Variants in MGRN1 observed in about 807,000 individuals in gnomAD.
MGRN1 encodes mahogunin ring finger 1, also known as E3 ubiquitin-protein ligase MGRN1.
MGRN1 carries 29 observed loss-of-function variants against 69.2 expected under a neutral mutation model. The ratio of observed to expected loss-of-function variants is 0.42; its 90% CI spans 0.31 to 0.57. The LOEUF (loss-of-function observed/expected upper bound fraction) is 0.57, where lower values mean the gene tolerates loss of function less well. Among genes scored for constraint, MGRN1 ranks in the 20% least tolerant of loss-of-function variants. The probability of loss-of-function intolerance (pLI) is 0.15; values close to 1 mark genes in which losing one functional copy is unlikely to be tolerated. For missense variants in MGRN1, 998 were observed against 796.2 expected (o/e 1.25, Z -3.05); for synonymous variants, 470 against 344.2 (o/e 1.37, Z -4.04).
intron 11 of MGRN1, among the ~76,000 whole-genome samples, chr16:4,678,660 C>T (rs1303105309): frequency 6.6e-6 from 1 of 152,182 alleles, no homozygotes; most frequent in Non-Finnish European, 1.5e-5. Context: ...TGGACAGTGA[C>T]TGGTTGGGCC....
chr16:4,627,912 C>G (rs1307052713), intron 1 of MGRN1, among the ~76,000 whole-genome samples: 4 of 150,388 alleles, frequency 2.7e-5, no homozygotes, highest in South Asian at 2.1e-4. Context: ...AACCCCATCT[C>G]TACCAAAAAT....
At chr16:4,687,221 C>T (rs147585784) in intron 16 of MGRN1, 74,216 of 985,114 alleles carry the variant, frequency 0.075, 3,081 homozygotes, top group Non-Finnish European at 0.083. Context: ...CCCCAAGAGG[C>T]GCCCTCTACC....
In MGRN1 at chr16:4,689,663, C is replaced by T. The variant is rs1018593363; in HGVS notation, c.*755C>T. ...CTGGCTTTGGTGACATCACAAGGCC[C>T]CTCCAGGTGCAGGGGCTTCTGTTTG... On this transcript the variant is annotated 3_prime_UTR_variant, in exon 17 of 17. Transcript: ENST00000262370. 2.0e-5 allele frequency: 3 copies of T among 152,272 alleles called. No homozygotes were observed. The highest frequency in any genetic ancestry group is 7.2e-5 in the African/African-American group (3 of 41,462). 9.4% of individuals were successfully genotyped at this position (152,272 alleles called of 1,614,324 possible). A position where few individuals can be genotyped will look rare whatever the true frequency, so the allele number is the denominator to read the frequency against.
chr16:4,644,643 C>A (rs965950972), intron 1 of MGRN1, among the ~76,000 whole-genome samples: 19 of 152,274 alleles, frequency 1.2e-4, no homozygotes, highest in African/African-American at 4.6e-4. Context: ...TTGATAACAT[C>A]AATTAGATAG....
At chr16:4,646,056 A>G (rs2078267371) in intron 1 of MGRN1, among the ~76,000 whole-genome samples, 1 of 152,134 alleles carries the variant, frequency 6.6e-6, no homozygotes, top group Admixed American at 6.5e-5. Context: ...GGCTTAGCAC[A>G]GTGAGCACTT....
rs892663330 is a variant in MGRN1, at chr16:4,656,242, C to T, written c.444-1004C>T. 3.9e-5 allele frequency among the ~76,000 whole-genome samples: 6 copies of T among 152,326 alleles called. No individual in the cohort carries two copies. In the South Asian group the frequency reaches 6.2e-4, roughly 16 times the overall value. On this transcript the variant is annotated intron_variant, in intron 4 of 16. Transcript: ENST00000262370. ...CCTGTGGCTAAGACATGCAGAAGGG[C>T]GGTCCTTGAAGCAGTGTTGGGAAAA... is the stretch of plus-strand genomic sequence containing the variant.
At chr16:4,649,021 C>G (rs1301262582) in intron 1 of MGRN1, 1 of 154,298 alleles carries the variant, frequency 6.5e-6, no homozygotes, top group Admixed American at 6.5e-5. Flanking sequence ...GCCATGCTCT[C>G]AGTGTTCCTT....
In MGRN1 at chr16:4,652,824, T is replaced by C. The variant is rs1466759648; in HGVS notation, c.443T>C (p.Val148Ala). Reference protein sequence around the residue: ...ASEEFLNGRAVYSPKSPSLQS... With the variant: ...ASEEFLNGRAAYSPKSPSLQS... ...GAGGAGTTCCTGAACGGCAGGGCAG[T>C]GTGAGTCCCGCGGGCGGCTGGCACC... The change falls in exon 4 of 17, where the codon GTA (valine) becomes GCA (alanine). Residue 148 changes from valine to alanine, a missense_variant and splice_region_variant. Coordinates refer to ENST00000262370, the MANE Select transcript of MGRN1 (RefSeq NM_015246.4). The C allele has an allele frequency of 6.3e-7, 1 of 1,599,532 alleles. No individual in the cohort carries two copies. Among genetic ancestry groups the C allele is most frequent in the Non-Finnish European group, 8.5e-7 (1 of 1,171,568 alleles).
intron 8 of MGRN1, chr16:4,669,046 A>G (rs2078880094): frequency 6.6e-6 from 1 of 152,302 alleles, no homozygotes; most frequent in Non-Finnish European, 1.5e-5. Context: ...ACACACATAT[A>G]CTCACACACA....
rs200737185 is a variant in MGRN1 at position 4,683,216 on chromosome 16, T to C, written c.1483-8T>C. On this transcript the variant is annotated splice_polypyrimidine_tract_variant and splice_region_variant and intron_variant, in intron 14 of 16. Coordinates refer to ENST00000262370, the MANE Select transcript of MGRN1 (RefSeq NM_015246.4). The stretch of plus-strand genomic sequence containing the variant: ...GAGCTCTAGGCTACTTTCCCCTTTG[T>C]TTCCTAGAGTTTCATAACAGAAGAG... The C allele has an allele frequency of 3.0e-4, 477 of 1,613,612 alleles. 5 individuals carry two copies. In the African/African-American group the frequency reaches 5.4e-3, roughly 18 times the overall value.
At chr16:4,646,170 C>G (rs2078270833) in intron 1 of MGRN1, among the ~76,000 whole-genome samples, 1 of 152,106 alleles carries the variant, frequency 6.6e-6, no homozygotes. Flanking sequence ...GTGGCTCACG[C>G]CTGTAATCCC....
Position 4,627,653 on chromosome 16 carries a change from A to G in MGRN1, c.88+2605A>G, listed in dbSNP as rs145500498. 1.5e-3 allele frequency among the ~76,000 whole-genome samples: 231 copies of G among 151,000 alleles called. 4 individuals carry two copies. Among genetic ancestry groups the G allele is most frequent in the African/African-American group, 5.2e-3 (211 of 40,870 alleles). On this transcript the variant is annotated intron_variant, in intron 1 of 16. Coordinates refer to ENST00000262370, the MANE Select transcript of MGRN1 (RefSeq NM_015246.4). ...ATACAAAAAAATTTAGCCGGGCGTG[A>G]TGGCAGGCGTCTATAGTCCCAGCTA...
intron 1 of MGRN1, chr16:4,639,828 C>T (rs1439595498): frequency 6.6e-6 from 1 of 152,236 alleles, no homozygotes; most frequent in East Asian, 1.9e-4. Context: ...AAACATGGGT[C>T]AGACTTCTCC....
intron 10 of MGRN1, among the ~76,000 whole-genome samples, chr16:4,675,455 C>T (rs773559620): frequency 6.6e-6 from 1 of 152,022 alleles, no homozygotes; most frequent in African/African-American, 2.4e-5. Flanking sequence ...AAATTTTTAG[C>T]ATAACGCTGG....
chr16:4,668,168 A>T, intron 7 of MGRN1, 97 bp from the exon 8 acceptor site: 4 of 807,516 alleles, frequency 5.0e-6, no homozygotes, highest in East Asian at 2.8e-5. Flanking sequence ...GTGGGCATGG[A>T]TTGGCTGGGG....
intron 16 of MGRN1, among the ~76,000 whole-genome samples, chr16:4,685,547 T>A (rs1046897625): frequency 6.6e-6 from 1 of 152,270 alleles, no homozygotes; most frequent in Non-Finnish European, 1.5e-5. Context: ...GCTCTTGGAG[T>A]TGGCTGCTGC....
chr16:4,639,428 A>G (rs542803850), intron 1 of MGRN1, among the ~76,000 whole-genome samples: 1 of 152,126 alleles, frequency 6.6e-6, no homozygotes, highest in African/African-American at 2.4e-5. Context: ...CAGAGCGGGG[A>G]GCTTGGCCAT....
chr16:4,675,766 A>T (rs999975774), intron 10 of MGRN1, among the ~76,000 whole-genome samples: 1 of 152,154 alleles, frequency 6.6e-6, no homozygotes, highest in African/African-American at 2.4e-5. Flanking sequence ...GCGAAGTGAA[A>T]ACAAAGTATG....
chr16:4,633,233 C>A (rs899997122), intron 1 of MGRN1, among the ~76,000 whole-genome samples: 10 of 151,524 alleles, frequency 6.6e-5, no homozygotes, highest in African/African-American at 2.4e-4. Context: ...ATTAAAAATC[C>A]AAAAAATTAG....
Sources: gnomAD v4.1 joint callset for allele counts (sites outside exome capture counted in the v4.1 genomes callset) on GRCh38, gnomAD v4.1.1 for gene constraint, MANE v1.5 for transcripts, NCBI Gene and HGNC (gene_info 2026-07-23, HGNC 2026-07-21) for gene names.